The following LINGO2 variants were observed in gnomAD, a reference collection of about 807,000 sequenced individuals.
The protein encoded by LINGO2 is leucine rich repeat and Ig domain containing 2.
LINGO2 carries 14 observed loss-of-function variants against 30.6 expected under a neutral mutation model. The observed-to-expected ratio is 0.46, with a 90% CI of 0.30 to 0.72. LINGO2 has a LOEUF of 0.72. LINGO2 is among the 30% of genes least tolerant of loss of function. LINGO2 has a pLI of 0.07. For missense variants in LINGO2, 729 were observed against 751.7 expected (o/e 0.97, Z 0.35); for synonymous variants, 317 against 288.5 (o/e 1.10, Z -1.00).
chr9:28,489,934 A>G (rs7847886), intron 1 of LINGO2, among the ~76,000 whole-genome samples: 4,421 of 150,934 alleles, frequency 0.029, 169 homozygotes, highest in East Asian at 0.096. Flanking sequence ...AGATAAGGAA[A>G]GGCATATAGG....
chr9:28,351,317 T>TAAAAAAAA, intron 3 of LINGO2, among the ~76,000 whole-genome samples: 1 of 141,706 alleles, frequency 7.1e-6, no homozygotes, highest in African/African-American at 2.6e-5. Flanking sequence ...ATAAAGGGGA[T>TAAAAAAAA]ATCACCACCG....
chr9:29,046,982 G>A, the LINGO2 span, among the ~76,000 whole-genome samples: 69 of 149,562 alleles, frequency 4.6e-4, no homozygotes, highest in African/African-American at 1.5e-3. Flanking sequence ...GGTAGGCTGC[G>A]GCAGGAGAAT....
intron 1 of LINGO2, among the ~76,000 whole-genome samples, chr9:28,566,582 TGATGCTTTA>T (rs1823395459): frequency 6.6e-6 from 1 of 152,152 alleles, no homozygotes; most frequent in Non-Finnish European, 1.5e-5. Context: ...ATGGGGTAAT[TGATGCTTTA>T]GGCCTAAAAA....
intron 4 of LINGO2, among the ~76,000 whole-genome samples, chr9:28,124,033 T>G (rs1827172032): frequency 6.6e-6 from 1 of 152,216 alleles, no homozygotes. Flanking sequence ...TTCAGCCTAT[T>G]TTTGATAATA....
chr9:28,916,891 T>C, the LINGO2 span, among the ~76,000 whole-genome samples: 1 of 152,220 alleles, frequency 6.6e-6, no homozygotes, highest in Non-Finnish European at 1.5e-5. Context: ...GGTCATATTT[T>C]CCTCAATGTC....
At chr9:28,552,349 C>A (rs778660479) in intron 1 of LINGO2, among the ~76,000 whole-genome samples, 6 of 151,946 alleles carry the variant, frequency 3.9e-5, no homozygotes, top group Non-Finnish European at 7.4e-5. Context: ...AATAACTGCA[C>A]GGGAGATAAA....
At chr9:28,579,242 C>T (rs181039011) in intron 1 of LINGO2, among the ~76,000 whole-genome samples, 9 of 152,036 alleles carry the variant, frequency 5.9e-5, no homozygotes, top group East Asian at 3.9e-4. Context: ...TAGGCCTCCA[C>T]GTGAGGCTTT....
At chr9:28,887,948 G>A in the LINGO2 span, among the ~76,000 whole-genome samples, 3 of 152,000 alleles carry the variant, frequency 2.0e-5, no homozygotes, top group Admixed American at 2.0e-4. Flanking sequence ...TCAAAATGAA[G>A]GTAAGATTTG....
chr9:28,444,097 A>G (rs970626672), intron 2 of LINGO2, among the ~76,000 whole-genome samples: 2 of 152,168 alleles, frequency 1.3e-5, no homozygotes, highest in South Asian at 2.1e-4. Flanking sequence ...CCGTCACTCA[A>G]TAAAGTTCCT....
the LINGO2 span, among the ~76,000 whole-genome samples, chr9:28,915,110 G>C: frequency 6.6e-6 from 1 of 152,084 alleles, no homozygotes; most frequent in Non-Finnish European, 1.5e-5. Flanking sequence ...CCAGGCTGGC[G>C]ACAGAGCGAG....
chr9:28,040,811 G>T (rs1824166948), intron 4 of LINGO2, among the ~76,000 whole-genome samples: 1 of 152,062 alleles, frequency 6.6e-6, no homozygotes, highest in Admixed American at 6.5e-5. Context: ...GAACCCAGGG[G>T]TGTCTGGCTC....
At chr9:28,932,310 C>T in the LINGO2 span, among the ~76,000 whole-genome samples, 123 of 151,838 alleles carry the variant, frequency 8.1e-4, no homozygotes, top group Admixed American at 6.1e-3. Flanking sequence ...AGCATAGTTT[C>T]CTGGGCTTAT....
the LINGO2 span, among the ~76,000 whole-genome samples, chr9:29,081,646 C>T: frequency 6.6e-6 from 1 of 152,100 alleles, no homozygotes; most frequent in Non-Finnish European, 1.5e-5. Context: ...CAAATTGTCC[C>T]TGTTTGCAGA....
intron 4 of LINGO2, among the ~76,000 whole-genome samples, chr9:28,219,104 C>A (rs927783525): frequency 5.9e-5 from 9 of 152,120 alleles, no homozygotes; most frequent in Admixed American, 5.9e-4. Flanking sequence ...AGAACCAGGA[C>A]AACTTGACCC....
At chr9:28,189,068 T>A (rs1332114944) in intron 4 of LINGO2, among the ~76,000 whole-genome samples, 1 of 152,002 alleles carries the variant, frequency 6.6e-6, no homozygotes, top group African/African-American at 2.4e-5. Context: ...AAAGTTCACA[T>A]TGTGAGGCCA....
At chr9:28,991,117 C>A in the LINGO2 span, among the ~76,000 whole-genome samples, 14 of 152,194 alleles carry the variant, frequency 9.2e-5, no homozygotes, top group African/African-American at 3.4e-4. Context: ...AAAACTATCA[C>A]AAAAATTTAG....
chr9:28,397,672 C>A (rs991903110), intron 2 of LINGO2, among the ~76,000 whole-genome samples: 7 of 151,486 alleles, frequency 4.6e-5, no homozygotes, highest in Non-Finnish European at 8.8e-5. Context: ...CTCAGCCTCC[C>A]GAGTAGCTGG....
intron 1 of LINGO2, among the ~76,000 whole-genome samples, chr9:28,483,943 C>T (rs1826069844): frequency 6.6e-6 from 1 of 152,036 alleles, no homozygotes; most frequent in African/African-American, 2.4e-5. Context: ...ATTTTCCTCA[C>T]TGTTGCAGGA....
the LINGO2 span, among the ~76,000 whole-genome samples, chr9:28,809,470 G>C: frequency 3.3e-5 from 5 of 152,180 alleles, no homozygotes; most frequent in Non-Finnish European, 7.3e-5. Flanking sequence ...GGATGGCTGG[G>C]CGTGGTGGCT....
Sources: allele counts gnomAD v4.1 joint callset (sites outside exome capture counted in the v4.1 genomes callset), GRCh38; gene constraint gnomAD v4.1.1; transcripts MANE v1.5; gene names NCBI Gene and HGNC (gene_info 2026-07-23, HGNC 2026-07-21).